RORA: variants seen among roughly 807,000 people sequenced by gnomAD.
The protein encoded by RORA is nuclear receptor ROR-alpha.
In RORA, 7 loss-of-function variants were observed where a neutral mutation model predicts 69.5. The observed-to-expected ratio is 0.10, with a 90% confidence interval of 0.06 to 0.19. The LOEUF is 0.19. Ranked by LOEUF, RORA falls within the 10% of genes least tolerant of loss-of-function variation. RORA has a pLI of 1.00. For missense variants in RORA, 457 were observed against 663.0 expected (o/e 0.69, Z 3.41); for synonymous variants, 261 against 240.8 (o/e 1.08, Z -0.78).
chr15:60,629,811 G>A (rs1233056073), intron 2 of RORA, among the ~76,000 whole-genome samples: 2 of 152,324 alleles, frequency 1.3e-5, no homozygotes, highest in East Asian at 3.9e-4. Context: ...GGACAAAGAT[G>A]GGGGGATTAG....
At chr15:61,190,838 T>C (rs564182757) in intron 1 of RORA, among the ~76,000 whole-genome samples, 2 of 152,368 alleles carry the variant, frequency 1.3e-5, no homozygotes, top group African/African-American at 2.4e-5. Context: ...TGTATGTGTG[T>C]GTGTGTATGG....
At chr15:60,812,011 T>G (rs1342798658) in intron 1 of RORA, among the ~76,000 whole-genome samples, 1 of 152,192 alleles carries the variant, frequency 6.6e-6, no homozygotes, top group African/African-American at 2.4e-5. Context: ...AGTAGCATTC[T>G]TTAGTTTTTA....
chr15:60,887,651 G>A (rs998842317), intron 1 of RORA, among the ~76,000 whole-genome samples: 1 of 152,094 alleles, frequency 6.6e-6, no homozygotes, highest in Non-Finnish European at 1.5e-5. Context: ...GCATTTGGAC[G>A]GGCAGAATGG....
intron 1 of RORA, among the ~76,000 whole-genome samples, chr15:60,730,083 G>T (rs1043395111): frequency 6.6e-6 from 1 of 152,186 alleles, no homozygotes; most frequent in African/African-American, 2.4e-5. Flanking sequence ...GTTGGGGAAG[G>T]AGTTTTCAAA....
chr15:60,589,314 G>C (rs938273523), intron 2 of RORA, among the ~76,000 whole-genome samples: 2 of 152,218 alleles, frequency 1.3e-5, no homozygotes, highest in Non-Finnish European at 2.9e-5. Flanking sequence ...TCTTGCATTT[G>C]CACATGAATC....
At chr15:60,899,942 G>A (rs72752724) in intron 1 of RORA, among the ~76,000 whole-genome samples, 2,474 of 152,258 alleles carry the variant, frequency 0.016, 24 homozygotes, top group Middle Eastern at 0.054. Flanking sequence ...TCCAGAGCCT[G>A]TTTTTCCTTA....
At chr15:60,895,858 C>G (rs747065854) in intron 1 of RORA, among the ~76,000 whole-genome samples, 4 of 152,156 alleles carry the variant, frequency 2.6e-5, no homozygotes, top group Non-Finnish European at 5.9e-5. Flanking sequence ...CTTCACTGCT[C>G]AATTTGTTCA....
At chr15:60,644,084 T>C (rs2069993327) in intron 2 of RORA, among the ~76,000 whole-genome samples, 1 of 152,220 alleles carries the variant, frequency 6.6e-6, no homozygotes. Context: ...ATTTCCATGT[T>C]GCCTTGAAAA....
chr15:60,737,830 C>T (rs775513331), intron 1 of RORA, among the ~76,000 whole-genome samples: 1 of 152,206 alleles, frequency 6.6e-6, no homozygotes, highest in Non-Finnish European at 1.5e-5. Context: ...CGAAGAACTA[C>T]ACACAAGACC....
At chr15:60,567,188 C>A (rs2067736838) in intron 2 of RORA, among the ~76,000 whole-genome samples, 2 of 148,982 alleles carry the variant, frequency 1.3e-5, no homozygotes, top group Non-Finnish European at 3.0e-5. Context: ...TATAGATTCT[C>A]TTAAAAAAAA....
chr15:61,126,394 G>A (rs981964210), intron 1 of RORA, among the ~76,000 whole-genome samples: 27 of 152,160 alleles, frequency 1.8e-4, no homozygotes, highest in African/African-American at 6.5e-4. Context: ...TACTGTCTTA[G>A]CAATTTTCAA....
At chr15:61,163,617 C>T (rs1413569214) in intron 1 of RORA, among the ~76,000 whole-genome samples, 2 of 152,140 alleles carry the variant, frequency 1.3e-5, no homozygotes, top group African/African-American at 4.8e-5. Flanking sequence ...CAGATACGTG[C>T]CAAGCAGGGC....
intron 2 of RORA, among the ~76,000 whole-genome samples, chr15:60,632,915 C>T (rs528433607): frequency 6.6e-6 from 1 of 152,096 alleles, no homozygotes; most frequent in Admixed American, 6.5e-5. Context: ...GTGAGAAGAT[C>T]AATATACTGT....
At chr15:61,227,027 A>G (rs2080151287) in intron 1 of RORA, among the ~76,000 whole-genome samples, 1 of 152,124 alleles carries the variant, frequency 6.6e-6, no homozygotes, top group Non-Finnish European at 1.5e-5. Context: ...CAAGAACAGC[A>G]AGTTACGGAT....
At chr15:60,816,743 T>A (rs566708081) in intron 1 of RORA, among the ~76,000 whole-genome samples, 50 of 151,640 alleles carry the variant, frequency 3.3e-4, no homozygotes, top group East Asian at 9.7e-4. Context: ...ATAAAAAAAA[T>A]AAAATAAAAT....
chr15:61,134,770 A>T (rs1312313266), intron 1 of RORA, among the ~76,000 whole-genome samples: 1 of 152,072 alleles, frequency 6.6e-6, no homozygotes, highest in Non-Finnish European at 1.5e-5. Flanking sequence ...GACAGGTGTG[A>T]CCACACTTTG....
At chr15:60,889,965 G>A (rs1206800887) in intron 1 of RORA, among the ~76,000 whole-genome samples, 3 of 152,106 alleles carry the variant, frequency 2.0e-5, no homozygotes, top group Non-Finnish European at 4.4e-5. Context: ...ACAGCATCAA[G>A]TAATTTACCA....
chr15:60,616,766 T>C (rs1385708890), intron 2 of RORA, among the ~76,000 whole-genome samples: 1 of 152,234 alleles, frequency 6.6e-6, no homozygotes, highest in African/African-American at 2.4e-5. Context: ...CTGCGTTCTG[T>C]GGTTGAGGTA....
intron 1 of RORA, among the ~76,000 whole-genome samples, chr15:60,903,319 ACTGT>A (rs1162821629): frequency 1.3e-5 from 2 of 152,160 alleles, no homozygotes; most frequent in Admixed American, 1.3e-4. Flanking sequence ...ATCAAGTAAC[ACTGT>A]CTGTCTTCCC....
Sources: gnomAD v4.1 joint callset for allele counts (sites outside exome capture counted in the v4.1 genomes callset) on GRCh38, gnomAD v4.1.1 for gene constraint, MANE v1.5 for transcripts, NCBI Gene and HGNC (gene_info 2026-07-23, HGNC 2026-07-21) for gene names.